The following ABHD8 variants were observed in gnomAD, a reference collection of about 807,000 sequenced individuals.
ABHD8 encodes the protein abhydrolase domain containing 8.
A neutral mutation model predicts 29.3 loss-of-function variants in ABHD8; 10 were observed. The observed-to-expected ratio is 0.34, with a 90% CI of 0.21 to 0.58. ABHD8 has a LOEUF of 0.58. Among genes scored for constraint, ABHD8 ranks in the 20% least tolerant of loss-of-function variants. ABHD8 has a pLI of 0.85. For missense variants in ABHD8, 556 were observed against 615.3 expected (o/e 0.90, Z 1.02); for synonymous variants, 282 against 274.6 (o/e 1.03, Z -0.27).
At chr19:17,295,027 G>C (rs1318706561) in intron 2 of ABHD8, among the ~76,000 whole-genome samples, 182 bp from the exon 3 acceptor site, 1 of 150,464 alleles carries the variant, frequency 6.6e-6, no homozygotes, top group African/African-American at 2.4e-5. Flanking sequence ...AGGTTCAAGC[G>C]ATTCTCCTGC....
intron 2 of ABHD8, chr19:17,296,697 T>G (rs949038805): frequency 7.0e-6 from 1 of 143,220 alleles, no homozygotes; most frequent in Non-Finnish European, 1.6e-5. Flanking sequence ...TAAATAAGGT[T>G]TTTTTTTTTT....
Position 17,301,024 on chromosome 19 carries a change from A to T in ABHD8, c.593T>A (p.Phe198Tyr). 6.2e-7 allele frequency: 1 copy of T among 1,613,486 alleles called. No homozygotes were observed. The highest frequency in any genetic ancestry group is 8.5e-7 in the Non-Finnish European group (1 of 1,180,030). ...LAIWKEQLDF[F>Y]VRLGYEVVAP... Reference sequence around the variant, plus strand: ...CACCACCTCATAGCCTAGGCGCACAAAGAAGTCCAGCTGCTCCTTCCAGAT... The same window carrying T: ...CACCACCTCATAGCCTAGGCGCACATAGAAGTCCAGCTGCTCCTTCCAGAT... The change falls in exon 2 of 5, where the codon TTT (phenylalanine) becomes TAT (tyrosine). Residue 198 changes from phenylalanine (F) to tyrosine (Y), a missense_variant. Coordinates refer to ENST00000247706, the MANE Select transcript of ABHD8 (RefSeq NM_024527.5).
intron 2 of ABHD8, among the ~76,000 whole-genome samples, chr19:17,299,630 G>A (rs1253186937): frequency 6.6e-6 from 1 of 151,706 alleles, no homozygotes; most frequent in Non-Finnish European, 1.5e-5. Flanking sequence ...AGCACTTTGG[G>A]AGGCTGAGGT....
intron 2 of ABHD8, among the ~76,000 whole-genome samples, chr19:17,295,447 C>T (rs1490648322): frequency 6.6e-6 from 1 of 150,658 alleles, no homozygotes; most frequent in Non-Finnish European, 1.5e-5. Flanking sequence ...CATTCTGTTG[C>T]CCAGGTTGGA....
chr19:17,301,177 C>A lies in ABHD8; in HGVS notation c.440G>T (p.Arg147Leu). ...GSGSGSGSGG[R>L]RRRARRPKRT... is the part of the protein sequence containing the mutation. ...CTTGGGGCGCCTGGCTCGCCGCCGC[C>A]GCCCACCACTGCCACTGCCGCTGCC... The change falls in exon 2 of 5, where the codon CGG becomes CTG. Residue 147 changes from arginine (R) to leucine (L), a missense_variant. By Grantham distance (102) the Arg-to-Leu change is moderately radical (BLOSUM62 -2). Coordinates refer to ENST00000247706, the MANE Select transcript of ABHD8 (RefSeq NM_024527.5). The A allele has an allele frequency of 1.2e-6, 2 of 1,607,126 alleles. No individual in the cohort carries two copies. Among genetic ancestry groups the A allele is most frequent in the Non-Finnish European group, 1.7e-6 (2 of 1,178,832 alleles).
chr19:17,297,598 G>A (rs1223479118), intron 2 of ABHD8: 1 of 151,900 alleles, frequency 6.6e-6, no homozygotes, highest in Non-Finnish European at 1.5e-5. Flanking sequence ...CCAGCAGGTG[G>A]GTGCTCATTT....
In ABHD8 at chr19:17,301,234, T is replaced by C; in HGVS notation, c.383A>G (p.Asp128Gly). ...EVELADPAGS[D>G]GRLAPGSAGS... is the part of the protein sequence containing the mutation. ...TGCGCTGCCGGGGGCCAAGCGGCCATCGCTGCCCGCCGGATCTGCCAGCTC... is the reference window on the plus strand; with the variant it reads ...TGCGCTGCCGGGGGCCAAGCGGCCACCGCTGCCCGCCGGATCTGCCAGCTC... The change falls in exon 2 of 5, where the codon GAT becomes GGT. Residue 128 changes from aspartate to glycine, a missense_variant. Physicochemically the swap from Asp to Gly is moderately conservative, Grantham distance 94 (BLOSUM62 -1). Transcript: ENST00000247706. The C allele has an allele frequency of 2.5e-6, 4 of 1,593,006 alleles. No homozygotes were observed. Among genetic ancestry groups the C allele is most frequent in the Non-Finnish European group, 3.4e-6 (4 of 1,173,234 alleles).
In ABHD8 at chr19:17,294,782, G is replaced by C; in HGVS notation, c.825C>G (p.Ile275Met). 6.2e-7 allele frequency: 1 copy of C among 1,614,248 alleles called. No homozygotes were observed. Among genetic ancestry groups the C allele is most frequent in the South Asian group, 1.1e-5 (1 of 91,090 alleles). Reference sequence around the variant, plus strand: ...CCAGCGCCGTAGGGCCCCCGCCATTGATCATGATCACCTTGTGCACTAGGT... The same window carrying C: ...CCAGCGCCGTAGGGCCCCCGCCATTCATCATGATCACCTTGTGCACTAGGT... ...YPDLVHKVIM[I>M]NGGGPTALEP... is the part of the protein sequence containing the mutation. Residue 275 changes from isoleucine (I) to methionine (M), a missense_variant, in exon 3 of 5, where the codon ATC becomes ATG. Physicochemically the swap from Ile to Met is conservative, Grantham distance 10. This residue lies in a region of ABHD8 where 270 missense variants were observed against 353.9 expected (regional missense o/e 0.76). Coordinates refer to ENST00000247706, the MANE Select transcript of ABHD8 (RefSeq NM_024527.5).
In ABHD8 at chr19:17,292,299, C is replaced by T. The variant is rs2074073746; in HGVS notation, c.*362G>A. 1 of 364,354 alleles carries T rather than the reference C, an allele frequency of 2.7e-6. No homozygotes were observed. Among genetic ancestry groups the T allele is most frequent in the Non-Finnish European group, 4.9e-6 (1 of 203,852 alleles). The allele number at this position is 364,354 out of a possible 1,614,324, so 22.6% of individuals were successfully genotyped here. ...GGGCCTCGAGGGTCCCTGTGGGGCT[C>T]GTGGGTCCCAGGATCAAGCACGGCT... is the stretch of plus-strand genomic sequence containing the variant. On this transcript the variant is annotated 3_prime_UTR_variant, in exon 5 of 5. Transcript: ENST00000247706.
At chr19:17,299,417 C>G (rs983229109) in intron 2 of ABHD8, among the ~76,000 whole-genome samples, 2 of 151,798 alleles carry the variant, frequency 1.3e-5, no homozygotes, top group Non-Finnish European at 2.9e-5. Context: ...AAAAATTAGC[C>G]AGGCATGGTA....
intron 2 of ABHD8, chr19:17,297,653 T>C (rs1449503409): frequency 6.6e-6 from 1 of 152,142 alleles, no homozygotes; most frequent in Non-Finnish European, 1.5e-5. Context: ...TTGAGTATGT[T>C]ATATAAAGAA....
rs2074076883 is a variant in ABHD8, at chr19:17,292,781, C to T, written c.1200G>A (p.Val400=). The part of the protein sequence containing the change: ...LKLIDEGSHM[V]MLECPETVNT... The stretch of plus-strand genomic sequence containing the variant: ...TGACCGTCTCAGGGCATTCCAGCAT[C>T]ACCATGTGGCTGCCCTCGTCGATGA... Residue 400 remains valine (V), a synonymous_variant, in exon 5 of 5, where the codon GTG becomes GTA. Coordinates refer to ENST00000247706, the MANE Select transcript of ABHD8 (RefSeq NM_024527.5). 6.2e-7 allele frequency: 1 copy of T among 1,613,358 alleles called. No homozygotes were observed. The highest frequency in any genetic ancestry group is 1.3e-5 in the African/African-American group (1 of 74,876).
chr19:17,299,778 T>C (rs1409915061), intron 2 of ABHD8, among the ~76,000 whole-genome samples: 1 of 151,704 alleles, frequency 6.6e-6, no homozygotes, highest in Non-Finnish European at 1.5e-5. Flanking sequence ...GGAGAAAAAT[T>C]AGGATTTTTG....
chr19:17,297,750 T>C (rs1005200194), intron 2 of ABHD8: 5 of 151,288 alleles, frequency 3.3e-5, no homozygotes, highest in Non-Finnish European at 7.4e-5. Flanking sequence ...TTTTCTTTTT[T>C]TTTTTTTTTT....
At position 17,301,110 on chromosome 19, in the gene ABHD8, G is replaced by A; in HGVS notation, c.507C>T (p.Cys169=). The change falls in exon 2 of 5, where the codon TGC becomes TGT. Residue 169 remains cysteine (C), a synonymous_variant. Coordinates refer to ENST00000247706, the MANE Select transcript of ABHD8 (RefSeq NM_024527.5). ...GCACCACGTCGGCCTGGGCGCCTTT[G>A]CAGCTAGTGATGCGCTTCTCACAGT... The part of the protein sequence containing the change: ...HIDCEKRITS[C]KGAQADVVLF... The A allele has an allele frequency of 6.2e-7, 1 of 1,613,212 alleles. No homozygotes were observed. Among genetic ancestry groups the A allele is most frequent in the Non-Finnish European group, 8.5e-7 (1 of 1,180,014 alleles).
In ABHD8 at chr19:17,301,451, C is replaced by T. The variant is rs1431702798; in HGVS notation, c.166G>A (p.Ala56Thr). The change falls in exon 2 of 5, where the codon GCC becomes ACC. Residue 56 changes from alanine to threonine, a missense_variant. Physicochemically the swap from Ala to Thr is moderately conservative, Grantham distance 58 (BLOSUM62 0). Around this residue, in one of 2 missense-constraint regions of ABHD8, gnomAD observed 286 missense variants for 261.4 expected, o/e 1.09. Coordinates refer to ENST00000247706, the MANE Select transcript of ABHD8 (RefSeq NM_024527.5). Reference sequence around the variant, plus strand: ...GATGCGGATGATGGTGGAGGTGGGGCAGCGGCTGGGGCGGGTCCTGCATGC... The same window carrying T: ...GATGCGGATGATGGTGGAGGTGGGGTAGCGGCTGGGGCGGGTCCTGCATGC... The part of the protein sequence containing the change: ...VKHAGPAPAA[A>T]PPPPSSASSD... 8 of 1,611,786 alleles carry T rather than the reference C, an allele frequency of 5.0e-6. No individual in the cohort carries two copies. Among genetic ancestry groups the T allele is most frequent in the Non-Finnish European group, 6.8e-6 (8 of 1,179,770 alleles).
intron 2 of ABHD8, among the ~76,000 whole-genome samples, chr19:17,295,768 C>T (rs530748794): frequency 6.1e-4 from 93 of 152,214 alleles, no homozygotes; most frequent in African/African-American, 2.1e-3. Flanking sequence ...GGTGCGGTGG[C>T]GTAATCATAG....
chr19:17,297,588 C>T (rs2074098549), intron 2 of ABHD8, among the ~76,000 whole-genome samples: 1 of 152,066 alleles, frequency 6.6e-6, no homozygotes, highest in African/African-American at 2.4e-5. Context: ...ACCACTGTGC[C>T]CAGCAGGTGG....
rs1339437443 is a variant in ABHD8, at chr19:17,292,237, G to C, written c.*424C>G. The C allele has an allele frequency of 8.1e-6, 2 of 248,334 alleles. No homozygotes were observed. The highest frequency in any genetic ancestry group is 7.2e-5 in the East Asian group (1 of 13,842). 15.4% of individuals were successfully genotyped at this position (248,334 alleles called of 1,614,324 possible). On this transcript the variant is annotated 3_prime_UTR_variant, in exon 5 of 5. Transcript: ENST00000247706. ...GGGCAAAAATAGCTCCCAGCGCCGA[G>C]GAATGGGGGGTAGGAAGGGTCTCGG...
Sources: allele counts gnomAD v4.1 joint callset (sites outside exome capture counted in the v4.1 genomes callset), GRCh38; gene constraint gnomAD v4.1.1; regional missense constraint gnomAD v4.1.1; transcripts MANE v1.5; gene names NCBI Gene and HGNC (gene_info 2026-07-23, HGNC 2026-07-21).